The following NINL variants were observed in gnomAD, a reference collection of about 807,000 sequenced individuals.
NINL encodes the protein ninein like, also known as ninein-like protein.
NINL carries 153 observed loss-of-function variants against 160.3 expected under a neutral mutation model. The ratio of observed to expected loss-of-function variants is 0.95; its 90% CI spans 0.84 to 1.09. The LOEUF (loss-of-function observed/expected upper bound fraction) is 1.09, where lower values mean the gene tolerates loss of function less well. NINL is among the 50% of genes least tolerant of loss of function. The pLI is 0.00. For missense variants in NINL, 1,829 were observed against 1,764.0 expected (o/e 1.04, Z -0.66); for synonymous variants, 800 against 734.8 (o/e 1.09, Z -1.43).
intron 1 of NINL, among the ~76,000 whole-genome samples, chr20:25,534,657 T>C (rs748882971): frequency 2.0e-5 from 3 of 152,240 alleles, no homozygotes; most frequent in Non-Finnish European, 4.4e-5. Context: ...CACCACTGTA[T>C]ATGCAGTCCA....
At position 25,491,366 on chromosome 20, in the gene NINL, C is replaced by G. The variant is rs2146689510; in HGVS notation, c.1470G>C (p.Leu490=). The part of the protein sequence containing the change: ...QAEEAGLREK[L]TLALKENSRL... The stretch of plus-strand genomic sequence containing the variant: ...ATGCCCCTACCTTCAGGGCCAGGGT[C>G]AGCTTCTCGCGGAGGCCAGCCTCCT... Residue 490 remains leucine (L), a synonymous_variant, in exon 11 of 24, where the codon CTG becomes CTC. Coordinates refer to ENST00000278886, the MANE Select transcript of NINL (RefSeq NM_025176.6). 1 of 1,609,150 alleles carries G rather than the reference C, an allele frequency of 6.2e-7. No individual in the cohort carries two copies. The highest frequency in any genetic ancestry group is 2.2e-5 in the East Asian group (1 of 44,832).
chr20:25,580,491 G>C (rs2065162393), intron 1 of NINL, among the ~76,000 whole-genome samples: 6 of 152,166 alleles, frequency 3.9e-5, no homozygotes, highest in Admixed American at 3.9e-4. Flanking sequence ...TTCGACTCCA[G>C]GGAGACTATA....
rs774603996 is a variant in NINL at position 25,453,447 on chromosome 20, G to A, written c.*4C>T. The A allele has an allele frequency of 6.2e-7, 1 of 1,602,278 alleles. No homozygotes were observed. Among genetic ancestry groups the A allele is most frequent in the Non-Finnish European group, 8.5e-7 (1 of 1,174,148 alleles). ...TCGAATGAATCCTAGAAAATAATCT[G>A]TCTTTACACAGAGAGGGCTGCGGGG... On this transcript the variant is annotated 3_prime_UTR_variant, in exon 24 of 24. Coordinates refer to ENST00000278886, the MANE Select transcript of NINL (RefSeq NM_025176.6).
At position 25,504,907 on chromosome 20, in the gene NINL, A is replaced by C. The variant is rs1164624146; in HGVS notation, c.689T>G (p.Leu230Arg). The C allele has an allele frequency of 6.2e-7, 1 of 1,611,510 alleles. No individual in the cohort carries two copies. The highest frequency in any genetic ancestry group is 1.1e-5 in the South Asian group (1 of 90,986). ...ELAVVCQSVGLQGLEKEELED... is the reference protein window; with the variant it reads ...ELAVVCQSVGRQGLEKEELED... ...CCTCACCTCTTTCTCGAGTCCCTGG[A>C]GCCCGACGCTCTGGCAGACCACAGC... Residue 230 changes from leucine (L) to arginine (R), a missense_variant, in exon 6 of 24, where the codon CTC (leucine) becomes CGC (arginine). Transcript: ENST00000278886.
At chr20:25,478,837 T>G in intron 16 of NINL, 86 bp downstream of exon 16, 1 of 1,452,684 alleles carries the variant, frequency 6.9e-7, no homozygotes, top group Non-Finnish European at 9.1e-7. Context: ...GCACAGCAAT[T>G]CTGAGTTGTT....
chr20:25,465,188 C>T (rs2062883030), intron 19 of NINL, among the ~76,000 whole-genome samples: 1 of 152,212 alleles, frequency 6.6e-6, no homozygotes. Flanking sequence ...TCTCAGAAAA[C>T]AACTGGACAG....
chr20:25,508,479 A>C (rs2064004048), intron 5 of NINL, among the ~76,000 whole-genome samples: 1 of 152,312 alleles, frequency 6.6e-6, no homozygotes, highest in South Asian at 2.1e-4. Flanking sequence ...GGGCAAAGGG[A>C]ATGGCGGGGC....
In NINL at chr20:25,470,528, G is replaced by GAT. The variant is rs140876888; in HGVS notation, c.3249-435_3249-434dup. 6.5e-3 allele frequency among the ~76,000 whole-genome samples: 997 copies of GAT among 152,336 alleles called. 16 individuals carry two copies. The highest frequency in any genetic ancestry group is 0.023 in the African/African-American group (955 of 41,576). On this transcript the variant is annotated intron_variant, in intron 17 of 23. Transcript: ENST00000278886. Reference sequence around the variant, plus strand: ...AGAAACACAGGAATCAGAAGGCCAAGATATATGGGAAACCTCTGCTAGGTG... The same window carrying GAT: ...AGAAACACAGGAATCAGAAGGCCAAGATATATATGGGAAACCTCTGCTAGGTG...
intron 1 of NINL, among the ~76,000 whole-genome samples, chr20:25,541,807 T>C (rs111621528): frequency 2.8e-4 from 42 of 152,302 alleles, no homozygotes; most frequent in African/African-American, 1.0e-3. Context: ...ATGAGAGAAC[T>C]AGAAGAGCAC....
intron 3 of NINL, among the ~76,000 whole-genome samples, chr20:25,516,847 G>A (rs547802583): frequency 3.3e-5 from 5 of 152,228 alleles, no homozygotes; most frequent in South Asian, 2.1e-4. Context: ...CAGAAGGAGC[G>A]GGGTCTGGCA....
At position 25,476,764 on chromosome 20, in the gene NINL, T is replaced by C. The variant is rs1568872381; in HGVS notation, c.2527A>G (p.Thr843Ala). The change falls in exon 17 of 24, where the codon ACA becomes GCA. Residue 843 changes from threonine to alanine, a missense_variant. Transcript: ENST00000278886. ...GLVAGSGQEG[T>A]RGLLPLRPGC... Reference sequence around the variant, plus strand: ...GGACGCAGTGGTAGGAGGCCACGTGTGCCCTCCTGGCCACTTCCTGCCACC... The same window carrying C: ...GGACGCAGTGGTAGGAGGCCACGTGCGCCCTCCTGGCCACTTCCTGCCACC... 1 of 1,610,628 alleles carries C rather than the reference T, an allele frequency of 6.2e-7. No homozygotes were observed. The highest frequency in any genetic ancestry group is 8.5e-7 in the Non-Finnish European group (1 of 1,179,822).
chr20:25,483,380 G>A (rs1568889748), intron 13 of NINL, among the ~76,000 whole-genome samples: 1 of 152,086 alleles, frequency 6.6e-6, no homozygotes, highest in Non-Finnish European at 1.5e-5. Context: ...GCAGAATACT[G>A]TCACCACCAG....
At chr20:25,489,854 A>T (rs2063585729) in intron 12 of NINL, 21 bp downstream of exon 12, 2 of 1,607,528 alleles carry the variant, frequency 1.2e-6, no homozygotes, top group African/African-American at 2.7e-5. Flanking sequence ...CTGGAGGCAG[A>T]CTGTCAGCAA....
intron 1 of NINL, among the ~76,000 whole-genome samples, chr20:25,570,343 A>T (rs2065039488): frequency 6.6e-6 from 1 of 152,074 alleles, no homozygotes; most frequent in Admixed American, 6.6e-5. Context: ...TCTCATGGGT[A>T]AGCACCATCC....
rs1239413910 is a variant in NINL at position 25,478,989 on chromosome 20, G to A, written c.2135C>T (p.Ala712Val). The A allele has an allele frequency of 6.2e-7, 1 of 1,605,278 alleles. No individual in the cohort carries two copies. Among genetic ancestry groups the A allele is most frequent in the Non-Finnish European group, 8.5e-7 (1 of 1,178,690 alleles). ...ACACAGTGCCTGGGTGCAGCAGGGT[G>A]CCAGGCCCATCTGCTCAGGCTCGGG... ...RGPEPEQMGL[A>V]PCCTQALCGL... The change falls in exon 16 of 24, where the codon GCA (alanine) becomes GTA (valine). Residue 712 changes from alanine to valine, a missense_variant. Coordinates refer to ENST00000278886, the MANE Select transcript of NINL (RefSeq NM_025176.6).
Position 25,476,269 on chromosome 20 carries a change from C to T in NINL, c.3022G>A (p.Gly1008Arg), listed in dbSNP as rs1212025697. Residue 1008 changes from glycine to arginine, a missense_variant, in exon 17 of 24, where the codon GGG (glycine) becomes AGG (arginine). By Grantham distance (125) the Gly-to-Arg change is moderately radical (BLOSUM62 -2). Coordinates refer to ENST00000278886, the MANE Select transcript of NINL (RefSeq NM_025176.6). ...ACCTCCACACTGTGCTTGTGACACCCAGGCTCCAGGGCGCCCTCGGCCCGG... is the reference window on the plus strand; with the variant it reads ...ACCTCCACACTGTGCTTGTGACACCTAGGCTCCAGGGCGCCCTCGGCCCGG... Reference protein sequence around the residue: ...QARAEGALEPGCHKHSVEVAR... With the variant: ...QARAEGALEPRCHKHSVEVAR... 6.2e-7 allele frequency: 1 copy of T among 1,613,784 alleles called. No individual in the cohort carries two copies. Among genetic ancestry groups the T allele is most frequent in the Non-Finnish European group, 8.5e-7 (1 of 1,179,972 alleles).
chr20:25,487,414 C>A (rs141503177), intron 13 of NINL, among the ~76,000 whole-genome samples: 16 of 152,254 alleles, frequency 1.1e-4, no homozygotes, highest in African/African-American at 2.6e-4. Context: ...CTAAAATCAT[C>A]CACTTCCATG....
chr20:25,566,531 G>GGGGCT (rs2065001449), intron 1 of NINL, among the ~76,000 whole-genome samples: 1 of 152,216 alleles, frequency 6.6e-6, no homozygotes, highest in Admixed American at 6.5e-5. Context: ...TAACATGTGA[G>GGGGCT]GGGCTGTAAT....
At chr20:25,570,288 C>T (rs192981863) in intron 1 of NINL, among the ~76,000 whole-genome samples, 328 of 152,274 alleles carry the variant, frequency 2.2e-3, no homozygotes, top group East Asian at 6.7e-3. Flanking sequence ...TACTCAATGC[C>T]GGAGGTGGGG....
Sources: gnomAD v4.1 joint callset for allele counts (sites outside exome capture counted in the v4.1 genomes callset) on GRCh38, gnomAD v4.1.1 for gene constraint, MANE v1.5 for transcripts, NCBI Gene and HGNC (gene_info 2026-07-23, HGNC 2026-07-21) for gene names.